The following LANCL3 variants were observed in gnomAD, a reference collection of about 807,000 sequenced individuals.
LANCL3 encodes the protein LanC like family member 3, also known as lanC-like protein 3.
LANCL3 carries 19 observed loss-of-function variants against 26.5 expected under a neutral mutation model. The observed-to-expected ratio is 0.72, with a 90% CI of 0.50 to 1.05. The LOEUF (loss-of-function observed/expected upper bound fraction) is 1.05. Among genes scored for constraint, LANCL3 ranks in the 50% least tolerant of loss-of-function variants. The probability of loss-of-function intolerance (pLI) is 0.00; values close to 1 mark genes in which losing one functional copy is unlikely to be tolerated. For synonymous variants in LANCL3, 160 were observed against 166.6 expected (o/e 0.96, Z 0.30); for missense variants, 318 against 362.7 (o/e 0.88, Z 1.00).
chrX:37,571,758 C>T lies in LANCL3; in HGVS notation c.-113C>T. 3.3e-6 allele frequency: 2 copies of T among 604,663 alleles called. No homozygotes were observed. The highest frequency in any genetic ancestry group is 5.0e-6 in the Non-Finnish European group (2 of 397,861). 49.8% of individuals were successfully genotyped at this position (604,663 alleles called of 1,213,427 possible). On this transcript the variant is annotated 5_prime_UTR_variant, in exon 1 of 5. Coordinates refer to ENST00000378619, the MANE Select transcript of LANCL3 (RefSeq NM_001170331.2). ...CCGTCTCATCCTTCTCGCTCCTTCC[C>T]CGCCGCATACACCGGCATCCGAGTG... is the stretch of plus-strand genomic sequence containing the variant.
In LANCL3 at chrX:37,585,612, A is replaced by T. The variant is rs1167693934; in HGVS notation, c.573+13169A>T. 4.5e-5 allele frequency among the ~76,000 whole-genome samples: 5 copies of T among 111,477 alleles called. No homozygotes were observed. The South Asian group carries it at 1.2e-3, about 26-fold the overall frequency. ...AAGTCTGTTTTATCAGAGACTAGGA[A>T]TGCAACCCCTGCCTTTTTTTGTTTT... On this transcript the variant is annotated intron_variant, in intron 1 of 4. Coordinates refer to ENST00000378619, the MANE Select transcript of LANCL3 (RefSeq NM_001170331.2).
intron 4 of LANCL3, among the ~76,000 whole-genome samples, chrX:37,673,327 T>C (rs1417480828): frequency 5.4e-5 from 6 of 111,218 alleles, no homozygotes; most frequent in African/African-American, 2.0e-4. Context: ...CCACTTTTAC[T>C]TCCTTTTATT....
intron 1 of LANCL3, among the ~76,000 whole-genome samples, chrX:37,585,241 GT>G (rs1924030915): frequency 8.9e-6 from 1 of 111,790 alleles, no homozygotes; most frequent in Non-Finnish European, 1.9e-5. Context: ...TGGCATAGGT[GT>G]GGTATGGTGC....
At chrX:37,633,311 A>G (rs1235398819) in intron 1 of LANCL3, among the ~76,000 whole-genome samples, 3 of 110,622 alleles carry the variant, frequency 2.7e-5, no homozygotes, top group Non-Finnish European at 5.7e-5. Flanking sequence ...AGCTCCGGTT[A>G]TTCTAGTTAT....
At chrX:37,629,542 G>A (rs2146752734) in intron 1 of LANCL3, among the ~76,000 whole-genome samples, 1 of 103,075 alleles carries the variant, frequency 9.7e-6, no homozygotes, top group East Asian at 2.9e-4. Flanking sequence ...GTCCTGAATG[G>A]TAATGCCTAG....
At chrX:37,613,994 C>T (rs1051179219) in intron 1 of LANCL3, among the ~76,000 whole-genome samples, 1 of 112,142 alleles carries the variant, frequency 8.9e-6, no homozygotes, top group Admixed American at 9.5e-5. Context: ...CTCTCTGGAA[C>T]TAAGTCAAAT....
At chrX:37,672,084 A>G (rs1926697163) in intron 4 of LANCL3, among the ~76,000 whole-genome samples, 1 of 111,215 alleles carries the variant, frequency 9.0e-6, no homozygotes, top group Non-Finnish European at 1.9e-5. Context: ...CAACCCCTCT[A>G]TTTTCTTTTT....
chrX:37,659,741 T>A (rs782459956), intron 3 of LANCL3, 82 bp downstream of exon 3: 5 of 825,603 alleles, frequency 6.1e-6, no homozygotes, highest in Non-Finnish European at 8.9e-6. Flanking sequence ...GAAGTGAGGA[T>A]AGCTAATCTT....
rs1481080827 is a variant in LANCL3 at position 37,659,449 on chromosome X, T to C, written c.698-13T>C. 1 of 1,191,464 alleles carries C rather than the reference T, an allele frequency of 8.4e-7. No homozygotes were observed. Among genetic ancestry groups the C allele is most frequent in the African/African-American group, 1.8e-5 (1 of 56,776 alleles). ...CCAATTGTGTGAATTTTATGCCTTG[T>C]TTGTTAATACAGGGGCAGCTCACGG... On this transcript the variant is annotated splice_polypyrimidine_tract_variant and intron_variant, in intron 2 of 4. Transcript: ENST00000378619.
intron 1 of LANCL3, among the ~76,000 whole-genome samples, chrX:37,609,115 T>A (rs781884415): frequency 1.8e-5 from 2 of 112,389 alleles, no homozygotes; most frequent in Non-Finnish European, 3.8e-5. Context: ...TTCAAGTAGA[T>A]GCTTTACAAT....
At chrX:37,578,707 C>T (rs1923814886) in intron 1 of LANCL3, among the ~76,000 whole-genome samples, 1 of 111,129 alleles carries the variant, frequency 9.0e-6, no homozygotes, top group Admixed American at 9.5e-5. Context: ...AGGCCAGGCA[C>T]GGTGGCTCAT....
chrX:37,578,364 G>T (rs1556416649), intron 1 of LANCL3, among the ~76,000 whole-genome samples: 2 of 112,084 alleles, frequency 1.8e-5, no homozygotes, highest in Non-Finnish European at 3.8e-5. Context: ...TTGCTGGTTG[G>T]TTACCAAAGC....
chrX:37,580,041 T>A (rs139708241), intron 1 of LANCL3, among the ~76,000 whole-genome samples: 2 of 111,947 alleles, frequency 1.8e-5, no homozygotes, highest in Non-Finnish European at 3.8e-5. Context: ...ACAAAATGCA[T>A]GTGTAGGATT....
Position 37,588,922 on chromosome X carries a change from G to A in LANCL3, c.573+16479G>A, listed in dbSNP as rs868964963. Among the ~76,000 whole-genome samples the A allele has an allele frequency of 9.0e-5, 10 of 111,435 alleles. No individual in the cohort carries two copies. In the East Asian group the frequency reaches 2.0e-3, roughly 22 times the overall value. The stretch of plus-strand genomic sequence containing the variant: ...TTGCTTTGCATGGAATGGATTCCCC[G>A]TGCTCAGTGGTGTGTTGAAATCTGG... On this transcript the variant is annotated intron_variant, in intron 1 of 4. Coordinates refer to ENST00000378619, the MANE Select transcript of LANCL3 (RefSeq NM_001170331.2).
intron 3 of LANCL3, among the ~76,000 whole-genome samples, chrX:37,660,759 A>G (rs1285226297): frequency 9.0e-6 from 1 of 111,366 alleles, no homozygotes; most frequent in East Asian, 2.8e-4. Flanking sequence ...TAATCCAACT[A>G]TAATTTCATT....
intron 1 of LANCL3, among the ~76,000 whole-genome samples, chrX:37,628,607 C>A (rs1459832889): frequency 1.4e-5 from 1 of 70,104 alleles, no homozygotes; most frequent in Admixed American, 1.9e-4. Context: ...CTCCCCCCAC[C>A]CCACAACAGT....
At chrX:37,602,886 T>C (rs191390851) in intron 1 of LANCL3, among the ~76,000 whole-genome samples, 1 of 111,975 alleles carries the variant, frequency 8.9e-6, no homozygotes, top group East Asian at 2.8e-4. Flanking sequence ...CCTTTCTCTG[T>C]GCTTTCTGTT....
At position 37,572,033 on chromosome X, in the gene LANCL3, A is replaced by G; in HGVS notation, c.163A>G (p.Thr55Ala). Reference sequence around the variant, plus strand: ...GGGCGGCGCGGAGGCCCGAGGGGCGACGGCGGGGGCTAGCGCCTGCCAGGG... The same window carrying G: ...GGGCGGCGCGGAGGCCCGAGGGGCGGCGGCGGGGGCTAGCGCCTGCCAGGG... ...LGGGAEARGA[T>A]AGASACQGGL... Residue 55 changes from threonine to alanine, a missense_variant, in exon 1 of 5, where the codon ACG becomes GCG. Coordinates refer to ENST00000378619, the MANE Select transcript of LANCL3 (RefSeq NM_001170331.2). The G allele has an allele frequency of 1.7e-6, 2 of 1,181,855 alleles. No homozygotes were observed. Among genetic ancestry groups the G allele is most frequent in the Non-Finnish European group, 2.3e-6 (2 of 881,585 alleles).
chrX:37,676,124 G>T lies in LANCL3; in HGVS notation c.*311G>T. 1 of 156,154 alleles carries T rather than the reference G, an allele frequency of 6.4e-6. No individual in the cohort carries two copies. The highest frequency in any genetic ancestry group is 8.1e-5 in the Admixed American group (1 of 12,369). The allele number at this position is 156,154 out of a possible 1,213,427, so 12.9% of individuals were successfully genotyped here. On this transcript the variant is annotated 3_prime_UTR_variant, in exon 5 of 5. Coordinates refer to ENST00000378619, the MANE Select transcript of LANCL3 (RefSeq NM_001170331.2). ...TATGACATAGAAAACCAAACTGCAAGTGTAGACTATGACAAAAAATACACT... is the reference window on the plus strand; with the variant it reads ...TATGACATAGAAAACCAAACTGCAATTGTAGACTATGACAAAAAATACACT...
Sources: allele counts gnomAD v4.1 joint callset (sites outside exome capture counted in the v4.1 genomes callset), GRCh38; gene constraint gnomAD v4.1.1; transcripts MANE v1.5; gene names NCBI Gene and HGNC (gene_info 2026-07-23, HGNC 2026-07-21).